The following BTBD9 variants were observed in gnomAD, a reference collection of about 807,000 sequenced individuals.
BTBD9 encodes BTB/POZ domain-containing protein 9.
Under a neutral mutation model 64.3 loss-of-function variants are expected in BTBD9, and 49 were observed. That is an observed-to-expected ratio of 0.76 (90% confidence interval 0.61 to 0.97). BTBD9 has a LOEUF of 0.97. Among genes scored for constraint, BTBD9 ranks in the 50% least tolerant of loss-of-function variants. BTBD9 has a pLI of 0.00. For synonymous variants in BTBD9, 260 were observed against 274.7 expected (o/e 0.95, Z 0.53); for missense variants, 598 against 762.1 (o/e 0.78, Z 2.53).
intron 1 of BTBD9, among the ~76,000 whole-genome samples, chr6:38,599,717 G>A (rs1279413877): frequency 2.0e-5 from 3 of 152,174 alleles, no homozygotes; most frequent in Admixed American, 2.0e-4. Context: ...TATTAGCAAG[G>A]TGTGTCAAAA....
intron 6 of BTBD9, among the ~76,000 whole-genome samples, chr6:38,410,008 T>C (rs905379289): frequency 6.6e-6 from 1 of 152,164 alleles, no homozygotes; most frequent in Non-Finnish European, 1.5e-5. Flanking sequence ...TAAACCGTTA[T>C]ATTTTCTGGG....
intron 7 of BTBD9, among the ~76,000 whole-genome samples, chr6:38,305,765 TG>T (rs1474086226): frequency 6.6e-6 from 1 of 152,188 alleles, no homozygotes; most frequent in African/African-American, 2.4e-5. Context: ...ATTACAGGTA[TG>T]AGCCACCATG....
At chr6:38,177,929 T>G (rs1761353162) in intron 10 of BTBD9, among the ~76,000 whole-genome samples, 1 of 152,250 alleles carries the variant, frequency 6.6e-6, no homozygotes, top group Admixed American at 6.5e-5. Flanking sequence ...TCTCTCTCCC[T>G]GATGCCACAG....
chr6:38,352,147 T>G (rs570495553), intron 6 of BTBD9, among the ~76,000 whole-genome samples: 159 of 151,916 alleles, frequency 1.0e-3, no homozygotes, highest in Admixed American at 4.1e-3. Flanking sequence ...GAGGCCAAGG[T>G]GGGAGGATCA....
At chr6:38,286,071 A>G (rs1420783134) in intron 8 of BTBD9, among the ~76,000 whole-genome samples, 1 of 152,136 alleles carries the variant, frequency 6.6e-6, no homozygotes, top group Non-Finnish European at 1.5e-5. Flanking sequence ...CAGGTAGCTG[A>G]TGTGGCTTGT....
Position 38,345,081 on chromosome 6 carries a change from A to G in BTBD9, c.1167T>C (p.Ile389=), listed in dbSNP as rs762210627. ...TGTTCACTGTGTTGTGAGTCCCAAC[A>G]ATTCGAATATACCTGACGGTAAAAA... The part of the protein sequence containing the change: ...FPARVCRYIR[I]VGTHNTVNKI... Residue 389 remains isoleucine, a synonymous_variant, in exon 7 of 11, where the codon ATT becomes ATC. Coordinates refer to ENST00000481247, the MANE Select transcript of BTBD9 (RefSeq NM_001099272.2). The G allele has an allele frequency of 3.1e-6, 5 of 1,603,678 alleles. No homozygotes were observed. Among genetic ancestry groups the G allele is most frequent in the Non-Finnish European group, 4.3e-6 (5 of 1,172,804 alleles).
At chr6:38,406,610 C>T (rs62397041) in intron 6 of BTBD9, among the ~76,000 whole-genome samples, 3,137 of 152,290 alleles carry the variant, frequency 0.021, 54 homozygotes, top group Non-Finnish European at 0.032. Context: ...GATTAAAAGA[C>T]TAGTCCTGGA....
intron 7 of BTBD9, among the ~76,000 whole-genome samples, chr6:38,301,969 T>C (rs538787322): frequency 6.6e-6 from 1 of 152,350 alleles, no homozygotes; most frequent in African/African-American, 2.4e-5. Flanking sequence ...CAATTTTAGA[T>C]CTTTCCTGCT....
At chr6:38,542,713 A>G (rs977951733) in intron 6 of BTBD9, among the ~76,000 whole-genome samples, 2 of 152,220 alleles carry the variant, frequency 1.3e-5, no homozygotes, top group African/African-American at 4.8e-5. Flanking sequence ...AAAACTAAGC[A>G]TATGATTCCA....
chr6:38,319,055 G>A (rs1002784099), intron 7 of BTBD9, among the ~76,000 whole-genome samples: 5 of 152,172 alleles, frequency 3.3e-5, no homozygotes, highest in Non-Finnish European at 4.4e-5. Flanking sequence ...CAAGCCCACA[G>A]GGAGTACTGC....
chr6:38,246,741 A>G (rs9349063), intron 9 of BTBD9, among the ~76,000 whole-genome samples: 16,599 of 152,128 alleles, frequency 0.11, 1,360 homozygotes, highest in East Asian at 0.48. Flanking sequence ...CACAACCAGA[A>G]CTCATTAATT....
intron 4 of BTBD9, among the ~76,000 whole-genome samples, chr6:38,591,380 AC>A (rs2127489754): frequency 6.6e-6 from 1 of 152,250 alleles, no homozygotes; most frequent in African/African-American, 2.4e-5. Flanking sequence ...AAGCTTCATA[AC>A]CTCCATGAAA....
At chr6:38,426,434 TG>T (rs1425393206) in intron 6 of BTBD9, among the ~76,000 whole-genome samples, 1 of 151,990 alleles carries the variant, frequency 6.6e-6, no homozygotes, top group Middle Eastern at 3.2e-3. Context: ...ATGGGAGCTC[TG>T]TTTTCACTCT....
intron 8 of BTBD9, among the ~76,000 whole-genome samples, chr6:38,277,535 T>C (rs1241247054): frequency 6.6e-6 from 1 of 152,106 alleles, no homozygotes; most frequent in African/African-American, 2.4e-5. Flanking sequence ...TGTTTCATCA[T>C]GTTGGCCAGG....
intron 6 of BTBD9, among the ~76,000 whole-genome samples, chr6:38,410,576 A>AT (rs1767379811): frequency 6.6e-6 from 1 of 152,220 alleles, no homozygotes; most frequent in South Asian, 2.1e-4. Flanking sequence ...GCTATGGAAG[A>AT]TTTTTTAAAT....
intron 6 of BTBD9, among the ~76,000 whole-genome samples, chr6:38,542,180 C>T (rs1414848511): frequency 6.6e-6 from 1 of 152,154 alleles, no homozygotes; most frequent in African/African-American, 2.4e-5. Flanking sequence ...TACACAAGAC[C>T]TGTTTTCTAA....
intron 6 of BTBD9, among the ~76,000 whole-genome samples, chr6:38,355,988 T>G (rs1341729010): frequency 2.0e-5 from 3 of 152,190 alleles, no homozygotes; most frequent in Non-Finnish European, 4.4e-5. Context: ...TGGAAATAGA[T>G]TTCCTTCAGT....
intron 9 of BTBD9, among the ~76,000 whole-genome samples, chr6:38,222,254 GTTGTTTTTTTT>G (rs1763224842): frequency 1.0e-5 from 1 of 96,702 alleles, no homozygotes; most frequent in Non-Finnish European, 1.9e-5. Context: ...AATTCATTCA[GTTGTTTTTTTT>G]TTTTTTTTTT....
chr6:38,236,452 A>C (rs1763779660), intron 9 of BTBD9, among the ~76,000 whole-genome samples: 1 of 152,268 alleles, frequency 6.6e-6, no homozygotes, highest in African/African-American at 2.4e-5. Flanking sequence ...AGAACAAAGC[A>C]CAAACCCAGT....
Sources: gnomAD v4.1 joint callset for allele counts (sites outside exome capture counted in the v4.1 genomes callset) on GRCh38, gnomAD v4.1.1 for gene constraint, MANE v1.5 for transcripts, NCBI Gene and HGNC (gene_info 2026-07-23, HGNC 2026-07-21) for gene names.